The following TMEM131 variants were observed in gnomAD, a reference collection of about 807,000 sequenced individuals.
The protein encoded by TMEM131 is transmembrane protein 131.
TMEM131 carries 66 observed loss-of-function variants against 211.6 expected under a neutral mutation model. The ratio of observed to expected loss-of-function variants is 0.31; its 90% CI spans 0.26 to 0.38. The LOEUF (loss-of-function observed/expected upper bound fraction) is 0.38. Among genes scored for constraint, TMEM131 ranks in the 10% least tolerant of loss-of-function variants. The pLI is 1.00. For synonymous variants in TMEM131, 844 were observed against 841.3 expected, an observed-to-expected ratio of 1.00 and a Z score of -0.06; for missense variants, 2,036 against 2,299.3, an observed-to-expected ratio of 0.89 and a Z score of 2.34.
intron 4 of TMEM131, among the ~76,000 whole-genome samples, chr2:97,872,518 C>T (rs761159606): frequency 2.6e-5 from 4 of 152,130 alleles, no homozygotes; most frequent in African/African-American, 9.7e-5. Context: ...CGGCTCCCAG[C>T]GAGATGGATG....
intron 5 of TMEM131, among the ~76,000 whole-genome samples, chr2:97,853,250 CAA>C (rs1402361056): frequency 5.3e-5 from 8 of 152,104 alleles, no homozygotes; most frequent in Admixed American, 3.3e-4. Context: ...TGGATCTGGG[CAA>C]AGTCCATTGA....
chr2:97,829,489 T>C (rs1294079599), intron 11 of TMEM131, among the ~76,000 whole-genome samples: 1 of 152,128 alleles, frequency 6.6e-6, no homozygotes, highest in Non-Finnish European at 1.5e-5. Flanking sequence ...GGATTGTAAA[T>C]GCAACAATCA....
At chr2:97,977,517 A>C (rs144378468) in intron 1 of TMEM131, among the ~76,000 whole-genome samples, 2 of 152,236 alleles carry the variant, frequency 1.3e-5, no homozygotes, top group African/African-American at 4.8e-5. Context: ...AATAAAACCT[A>C]TATCACACAA....
intron 36 of TMEM131, chr2:97,761,169 G>C: frequency 2.6e-6 from 1 of 390,196 alleles, no homozygotes. Context: ...ACAATTTAGG[G>C]ACTGGCAGAG....
chr2:97,870,464 T>G (rs1375096855), intron 4 of TMEM131, among the ~76,000 whole-genome samples: 1 of 151,986 alleles, frequency 6.6e-6, no homozygotes, highest in African/African-American at 2.4e-5. Context: ...AGGGACAGTG[T>G]GAGGTATTTA....
chr2:97,872,828 G>C (rs779128242), intron 4 of TMEM131, among the ~76,000 whole-genome samples: 1 of 152,186 alleles, frequency 6.6e-6, no homozygotes, highest in Non-Finnish European at 1.5e-5. Context: ...GGCAGTCACC[G>C]AACTAACTTC....
In TMEM131 at chr2:97,772,310, C is replaced by G; in HGVS notation, c.4435G>C (p.Asp1479His). The change falls in exon 33 of 41, where the codon GAT becomes CAT. Residue 1479 changes from aspartate to histidine, a missense_variant. Asp to His is a moderately conservative substitution (Grantham distance 81, BLOSUM62 -1). Transcript: ENST00000186436. ...TATTTCTCTCACCTGGGTTTCACAT[C>G]TGTTGGGATTTCTTTCTTAATATTT... The part of the protein sequence containing the change: ...LLNIKKEIPT[D>H]VKPSSLELPY... The G allele has an allele frequency of 2.5e-6, 4 of 1,602,216 alleles. No individual in the cohort carries two copies. The highest frequency in any genetic ancestry group is 3.4e-6 in the Non-Finnish European group (4 of 1,177,290).
At chr2:97,943,041 G>A (rs796889886) in intron 1 of TMEM131, among the ~76,000 whole-genome samples, 725 of 36,466 alleles carry the variant, frequency 0.02, 16 homozygotes, top group African/African-American at 0.064. Context: ...GAAAAGAAAA[G>A]AAAGAAAGAA....
At chr2:97,852,961 C>G (rs1052070477) in intron 5 of TMEM131, among the ~76,000 whole-genome samples, 1 of 152,208 alleles carries the variant, frequency 6.6e-6, no homozygotes, top group Non-Finnish European at 1.5e-5. Flanking sequence ...AACAGCACAT[C>G]TATTTATAAC....
intron 25 of TMEM131, among the ~76,000 whole-genome samples, chr2:97,798,155 T>A (rs1038836146): frequency 6.6e-6 from 1 of 152,262 alleles, no homozygotes; most frequent in African/African-American, 2.4e-5. Flanking sequence ...TGATTTAAAG[T>A]TTAAAGCATA....
intron 2 of TMEM131, among the ~76,000 whole-genome samples, chr2:97,922,552 T>C (rs1210801254): frequency 6.6e-6 from 1 of 152,000 alleles, no homozygotes; most frequent in Non-Finnish European, 1.5e-5. Flanking sequence ...CTGAAGTAAC[T>C]ACAGTTACAC....
intron 25 of TMEM131, among the ~76,000 whole-genome samples, chr2:97,799,170 G>C (rs1680904992): frequency 6.6e-6 from 1 of 152,062 alleles, no homozygotes; most frequent in Admixed American, 6.5e-5. Flanking sequence ...GTCAGCAAAA[G>C]CCATGGAGGG....
At chr2:97,890,978 C>A (rs756971259) in intron 3 of TMEM131, among the ~76,000 whole-genome samples, 9 of 152,142 alleles carry the variant, frequency 5.9e-5, no homozygotes, top group Non-Finnish European at 1.2e-4. Flanking sequence ...CATACCAGAT[C>A]TATATCTAAG....
chr2:97,960,448 A>G (rs1056079383), intron 1 of TMEM131, among the ~76,000 whole-genome samples: 3 of 151,970 alleles, frequency 2.0e-5, no homozygotes, highest in South Asian at 4.2e-4. Context: ...AATTTGGCCA[A>G]TGAGAATCCC....
chr2:97,984,562 C>T (rs1216505833), intron 1 of TMEM131, among the ~76,000 whole-genome samples: 1 of 152,058 alleles, frequency 6.6e-6, no homozygotes, highest in Non-Finnish European at 1.5e-5. Flanking sequence ...GTGTGCAGAT[C>T]ACATGGCGGC....
chr2:97,895,337 T>C (rs1436622619), intron 3 of TMEM131, among the ~76,000 whole-genome samples: 3 of 152,216 alleles, frequency 2.0e-5, no homozygotes, highest in African/African-American at 7.2e-5. Context: ...TTTTCTTTTT[T>C]TGATGTGTCT....
intron 1 of TMEM131, among the ~76,000 whole-genome samples, chr2:97,989,015 G>A (rs1444873651): frequency 1.3e-5 from 2 of 152,116 alleles, no homozygotes; most frequent in Non-Finnish European, 1.5e-5. Flanking sequence ...TAGTGTCCAC[G>A]GATGGATGAA....
intron 3 of TMEM131, among the ~76,000 whole-genome samples, chr2:97,894,770 G>A (rs1675533099): frequency 1.3e-5 from 2 of 152,198 alleles, no homozygotes; most frequent in South Asian, 4.1e-4. Flanking sequence ...GATATTTTGA[G>A]CTGAGATGAT....
At chr2:97,939,586 T>C (rs912376896) in intron 1 of TMEM131, among the ~76,000 whole-genome samples, 1 of 152,234 alleles carries the variant, frequency 6.6e-6, no homozygotes, top group Non-Finnish European at 1.5e-5. Context: ...AGCCGAATTC[T>C]ACCAGAGGTA....
Sources: gnomAD v4.1 joint callset for allele counts (sites outside exome capture counted in the v4.1 genomes callset) on GRCh38, gnomAD v4.1.1 for gene constraint, MANE v1.5 for transcripts, NCBI Gene and HGNC (gene_info 2026-07-23, HGNC 2026-07-21) for gene names.